HECW1: variants seen among roughly 807,000 people sequenced by gnomAD.
The protein encoded by HECW1 is E3 ubiquitin-protein ligase HECW1.
HECW1 carries 61 observed loss-of-function variants against 182.3 expected under a neutral mutation model. The ratio of observed to expected loss-of-function variants is 0.33; its 90% CI spans 0.27 to 0.41. The LOEUF is 0.41. HECW1 is among the 10% of genes least tolerant of loss of function. HECW1 has a pLI of 1.00. For synonymous variants in HECW1, 859 were observed against 832.6 expected (o/e 1.03, Z -0.55); for missense variants, 1,739 against 2,108.9 (o/e 0.82, Z 3.44).
At chr7:43,483,601 T>C (rs2078518308) in intron 17 of HECW1, among the ~76,000 whole-genome samples, 1 of 142,378 alleles carries the variant, frequency 7.0e-6, no homozygotes, top group Admixed American at 7.7e-5. Context: ...CAGGCTGGAG[T>C]GCAGTGGTGC....
intron 2 of HECW1, among the ~76,000 whole-genome samples, chr7:43,146,848 G>A (rs775508813): frequency 6.6e-6 from 1 of 152,182 alleles, no homozygotes; most frequent in Non-Finnish European, 1.5e-5. Flanking sequence ...ATTAGTGTAT[G>A]GTGCTTATCC....
chr7:43,161,738 T>G (rs950100413), intron 2 of HECW1: 4 of 152,246 alleles, frequency 2.6e-5, no homozygotes, highest in Non-Finnish European at 5.9e-5. Flanking sequence ...CTAAGGTGAT[T>G]CTGTTACTCC....
intron 2 of HECW1, among the ~76,000 whole-genome samples, chr7:43,201,435 GC>G (rs1195319111): frequency 1.3e-5 from 2 of 152,234 alleles, no homozygotes; most frequent in Non-Finnish European, 2.9e-5. Flanking sequence ...GAGGAAGGAT[GC>G]CCAGAAGTCA....
chr7:43,556,564 G>A (rs973553092), intron 29 of HECW1, among the ~76,000 whole-genome samples: 5 of 151,942 alleles, frequency 3.3e-5, no homozygotes, highest in Non-Finnish European at 5.9e-5. Flanking sequence ...GGCATGCACC[G>A]GTAGTCCCAG....
chr7:43,315,999 C>T (rs1809198360), intron 4 of HECW1, among the ~76,000 whole-genome samples: 1 of 152,110 alleles, frequency 6.6e-6, no homozygotes, highest in Non-Finnish European at 1.5e-5. Context: ...CCACTCTTAA[C>T]AGCAATAGCA....
At chr7:43,332,941 T>C (rs530758608) in intron 5 of HECW1, among the ~76,000 whole-genome samples, 2 of 152,306 alleles carry the variant, frequency 1.3e-5, no homozygotes, top group South Asian at 4.1e-4. Context: ...ACCGGTCCCA[T>C]AGTCACAGGT....
rs759480620 is a variant in HECW1 at position 43,501,249 on chromosome 7, G to A, written c.3558G>A (p.Leu1186=). ...AAGAGATTATGTCCTACGTCCCCCTGCAGGCTGCCTTCCACCCTGGGTATA... is the reference window on the plus strand; with the variant it reads ...AAGAGATTATGTCCTACGTCCCCCTACAGGCTGCCTTCCACCCTGGGTATA... ...FEEEIMSYVP[L]QAAFHPGYSF... The change falls in exon 21 of 30, where the codon CTG becomes CTA. Residue 1186 remains leucine, a synonymous_variant. Transcript: ENST00000395891. 8.2e-6 allele frequency: 13 copies of A among 1,589,356 alleles called. No individual in the cohort carries two copies. In the Admixed American group the frequency reaches 1.4e-4, roughly 17 times the overall value.
chr7:43,232,558 G>T (rs1197054257), intron 2 of HECW1, among the ~76,000 whole-genome samples: 1 of 152,198 alleles, frequency 6.6e-6, no homozygotes, highest in East Asian at 1.9e-4. Flanking sequence ...TGTGGTTTGG[G>T]CTCAGATGTG....
chr7:43,132,675 G>T (rs907248048), intron 2 of HECW1, among the ~76,000 whole-genome samples: 1 of 152,132 alleles, frequency 6.6e-6, no homozygotes, highest in African/African-American at 2.4e-5. Flanking sequence ...TTTGCCCAGT[G>T]AGTGCCTTTT....
chr7:43,257,535 G>A (rs189330601), intron 3 of HECW1, among the ~76,000 whole-genome samples: 22 of 152,254 alleles, frequency 1.4e-4, no homozygotes, highest in Non-Finnish European at 2.8e-4. Flanking sequence ...TGGAGGGGTA[G>A]CAGCAAACCT....
At chr7:43,396,321 G>A (rs972331503) in intron 6 of HECW1, among the ~76,000 whole-genome samples, 2 of 152,164 alleles carry the variant, frequency 1.3e-5, no homozygotes, top group African/African-American at 4.8e-5. Flanking sequence ...CCTCAGAAGA[G>A]CTCCTTAATG....
At chr7:43,389,609 A>G (rs1003148651) in intron 6 of HECW1, among the ~76,000 whole-genome samples, 15 of 150,614 alleles carry the variant, frequency 1.0e-4, no homozygotes, top group Non-Finnish European at 1.3e-4. Context: ...TTCTCATCAC[A>G]TTGTTGTTGC....
intron 3 of HECW1, among the ~76,000 whole-genome samples, chr7:43,286,937 A>T (rs1200045670): frequency 6.6e-6 from 1 of 152,178 alleles, no homozygotes; most frequent in Non-Finnish European, 1.5e-5. Context: ...AATGATAGCA[A>T]TGACATTCTC....
At position 43,562,537 on chromosome 7, in the gene HECW1, C is replaced by G. The variant is rs532552386; in HGVS notation, c.*611C>G. 9.0e-4 allele frequency: 206 copies of G among 228,088 alleles called. 2 individuals carry two copies. In the Middle Eastern group the frequency reaches 0.013, roughly 15 times the overall value. The allele number at this position is 228,088 out of a possible 1,614,324, so 14.1% of individuals were successfully genotyped here. On this transcript the variant is annotated 3_prime_UTR_variant, in exon 30 of 30. Transcript: ENST00000395891. ...ATCAGTCCCATCAGCCGGAACTAGCCTAGACATACGGTGCAAATATGACAC... is the reference window on the plus strand; with the variant it reads ...ATCAGTCCCATCAGCCGGAACTAGCGTAGACATACGGTGCAAATATGACAC...
At chr7:43,412,174 C>T (rs1263577016) in intron 8 of HECW1, among the ~76,000 whole-genome samples, 1 of 152,100 alleles carries the variant, frequency 6.6e-6, no homozygotes, top group African/African-American at 2.4e-5. Flanking sequence ...TCATGATCTA[C>T]ATTGAGTTAA....
At chr7:43,192,631 G>A (rs1461523093) in intron 2 of HECW1, among the ~76,000 whole-genome samples, 1 of 152,052 alleles carries the variant, frequency 6.6e-6, no homozygotes, top group East Asian at 1.9e-4. Context: ...TTAAGACATT[G>A]GAAAATATAG....
intron 2 of HECW1, among the ~76,000 whole-genome samples, chr7:43,193,473 C>T (rs573603691): frequency 2.6e-5 from 4 of 152,198 alleles, no homozygotes; most frequent in African/African-American, 7.2e-5. Context: ...CCTCTGTCTC[C>T]GGGGTTCAAA....
chr7:43,231,870 A>T (rs1797906927), intron 2 of HECW1, among the ~76,000 whole-genome samples: 1 of 151,852 alleles, frequency 6.6e-6, no homozygotes. Flanking sequence ...ACAAAAAAAA[A>T]AATTAGCCAG....
intron 8 of HECW1, among the ~76,000 whole-genome samples, chr7:43,412,147 A>C (rs964305879): frequency 3.3e-5 from 5 of 152,138 alleles, no homozygotes; most frequent in Non-Finnish European, 7.4e-5. Context: ...GGGACCATAA[A>C]ATACCTTCCT....
Sources: allele counts gnomAD v4.1 joint callset (sites outside exome capture counted in the v4.1 genomes callset), GRCh38; gene constraint gnomAD v4.1.1; transcripts MANE v1.5; gene names NCBI Gene and HGNC (gene_info 2026-07-23, HGNC 2026-07-21).